The following WWP2 variants were observed in gnomAD, a reference collection of about 807,000 sequenced individuals.
WWP2 encodes the protein WW domain containing E3 ubiquitin protein ligase 2.
In WWP2, 57 loss-of-function variants were observed where a neutral mutation model predicts 121.0. The observed-to-expected ratio is 0.47, with a 90% confidence interval of 0.38 to 0.59. WWP2 has a LOEUF of 0.59. Among genes scored for constraint, WWP2 ranks in the 20% least tolerant of loss-of-function variants. WWP2 has a pLI of 0.00. For missense variants in WWP2, 962 were observed against 1,158.9 expected (o/e 0.83, Z 2.47); for synonymous variants, 449 against 441.3 (o/e 1.02, Z -0.22).
chr16:69,904,377 C>CT (rs538245676), intron 8 of WWP2, among the ~76,000 whole-genome samples: 2,472 of 137,356 alleles, frequency 0.018, 27 homozygotes, highest in African/African-American at 0.021. Flanking sequence ...TGCGCATTTT[C>CT]TTTTTTTTTT....
At position 69,939,374 on chromosome 16, in the gene WWP2, A is replaced by G. The variant is rs1343347600; in HGVS notation, c.2474A>G (p.Lys825Arg). The G allele has an allele frequency of 2.5e-6, 4 of 1,614,126 alleles. No homozygotes were observed. The highest frequency in any genetic ancestry group is 3.4e-6 in the Non-Finnish European group (4 of 1,180,016). ...GGACCACAGAAGTTTTGCATTGACA[A>G]AGTTGGCAAGGAAACCTGGCTGCCC... ...SNGPQKFCIDKVGKETWLPRS... is the reference protein window; with the variant it reads ...SNGPQKFCIDRVGKETWLPRS... The change falls in exon 23 of 24, where the codon AAA (lysine) becomes AGA (arginine). Residue 825 changes from lysine to arginine, a missense_variant. Coordinates refer to ENST00000359154, the MANE Select transcript of WWP2 (RefSeq NM_001270454.2).
At chr16:69,922,911 A>G (rs2058583705) in intron 10 of WWP2, among the ~76,000 whole-genome samples, 2 of 151,178 alleles carry the variant, frequency 1.3e-5, no homozygotes, top group Non-Finnish European at 2.9e-5. Flanking sequence ...TTTTTTTGAG[A>G]CGGAGTCTCG....
chr16:69,778,188 A>T (rs1179628985), intron 1 of WWP2, among the ~76,000 whole-genome samples: 36 of 95,640 alleles, frequency 3.8e-4, no homozygotes, highest in East Asian at 1.6e-3. Flanking sequence ...ATATATATAT[A>T]TATATTTTTT....
chr16:69,833,922 G>A (rs2056832904), intron 4 of WWP2, among the ~76,000 whole-genome samples: 1 of 152,170 alleles, frequency 6.6e-6, no homozygotes, highest in Non-Finnish European at 1.5e-5. Flanking sequence ...TCTAACTCAT[G>A]CTAGGGAGGA....
intron 6 of WWP2, among the ~76,000 whole-genome samples, chr16:69,868,540 G>A (rs923287494): frequency 6.6e-6 from 1 of 152,092 alleles, no homozygotes; most frequent in Non-Finnish European, 1.5e-5. Flanking sequence ...CTTGCTCCTG[G>A]GGGCTGCAAG....
chr16:69,845,783 C>T (rs1446452096), intron 6 of WWP2, among the ~76,000 whole-genome samples: 1 of 152,038 alleles, frequency 6.6e-6, no homozygotes, highest in Non-Finnish European at 1.5e-5. Context: ...GGCGTGGTGG[C>T]TCATGCCTGT....
chr16:69,794,444 G>A (rs1567669081), intron 2 of WWP2, among the ~76,000 whole-genome samples: 2 of 152,014 alleles, frequency 1.3e-5, no homozygotes, highest in Admixed American at 6.6e-5. Context: ...TGGGAAGATC[G>A]CTTGAGCCCC....
chr16:69,802,277 G>A (rs573841778), intron 4 of WWP2, among the ~76,000 whole-genome samples: 3 of 152,158 alleles, frequency 2.0e-5, no homozygotes, highest in South Asian at 4.1e-4. Context: ...AATTAATCAC[G>A]TTAATAATTT....
At position 69,878,184 on chromosome 16, in the gene WWP2, G is replaced by A. The variant is rs369773162; in HGVS notation, c.703+6253G>A. Among the ~76,000 whole-genome samples the A allele has an allele frequency of 2.9e-4, 44 of 152,244 alleles. 1 individual carries two copies. The East Asian group carries it at 8.1e-3, about 28-fold the overall frequency. ...AATATTAATATATCAAAGATCACTG[G>A]TCACAGATCTCCATGACGGATATAA... On this transcript the variant is annotated intron_variant, in intron 7 of 23. Transcript: ENST00000359154.
At position 69,840,159 on chromosome 16, in the gene WWP2, C is replaced by T. The variant is rs530023292; in HGVS notation, c.374C>T (p.Thr125Met). 8.1e-6 allele frequency: 13 copies of T among 1,614,246 alleles called. No individual in the cohort carries two copies. Among genetic ancestry groups the T allele is most frequent in the East Asian group, 6.7e-5 (3 of 44,892 alleles). Reference protein sequence around the residue: ...ENMQLTLNLQTENKGSVVSGG... With the variant: ...ENMQLTLNLQMENKGSVVSGG... Reference sequence around the variant, plus strand: ...ATGCAGCTGACCCTGAACCTGCAGACGGAGAACAAAGGCAGCGTTGTCTCA... The same window carrying T: ...ATGCAGCTGACCCTGAACCTGCAGATGGAGAACAAAGGCAGCGTTGTCTCA... Residue 125 changes from threonine (T) to methionine (M), a missense_variant, in exon 5 of 24, where the codon ACG becomes ATG. Transcript: ENST00000359154.
chr16:69,804,190 A>G (rs1010178260), intron 4 of WWP2, among the ~76,000 whole-genome samples: 13 of 152,080 alleles, frequency 8.5e-5, no homozygotes, highest in African/African-American at 1.4e-4. Context: ...CTGTAGTCCA[A>G]TCTGTCACCC....
intron 6 of WWP2, among the ~76,000 whole-genome samples, chr16:69,859,698 C>T (rs2057381192): frequency 1.3e-5 from 2 of 152,110 alleles, no homozygotes; most frequent in Admixed American, 6.6e-5. Context: ...CTGGCCCCGA[C>T]CCCTGCATTC....
rs1357207089 is a variant in WWP2, at chr16:69,911,613, C to A, written c.1004+2763C>A. 3.3e-5 allele frequency among the ~76,000 whole-genome samples: 5 copies of A among 152,096 alleles called. No individual in the cohort carries two copies. The East Asian group carries it at 9.6e-4, about 29-fold the overall frequency. ...GAGGGTGGAAGGGCTGACTGGGCCT[C>A]CAGTCACTGTTCTGTGCAAGATTTC... On this transcript the variant is annotated intron_variant, in intron 9 of 23. Transcript: ENST00000359154.
intron 5 of WWP2, among the ~76,000 whole-genome samples, chr16:69,841,582 A>G (rs905741031): frequency 6.6e-6 from 1 of 152,136 alleles, no homozygotes; most frequent in Non-Finnish European, 1.5e-5. Context: ...AGAAACAGCT[A>G]TTGAAGGGTT....
At chr16:69,909,324 G>A (rs547412375) in intron 9 of WWP2, 2 of 987,660 alleles carry the variant, frequency 2.0e-6, no homozygotes, top group South Asian at 9.3e-5. Context: ...AAAAGGGGAT[G>A]TATTCTGCTC....
chr16:69,915,028 A>G (rs1181754233), intron 9 of WWP2, among the ~76,000 whole-genome samples: 2 of 152,204 alleles, frequency 1.3e-5, no homozygotes, highest in Admixed American at 1.3e-4. Context: ...AAGGCAAGTC[A>G]GGTCAAGGAC....
chr16:69,790,801 T>C (rs1047308949), intron 2 of WWP2, among the ~76,000 whole-genome samples: 31 of 151,928 alleles, frequency 2.0e-4, no homozygotes, highest in African/African-American at 7.0e-4. Flanking sequence ...GTCTCGAACT[T>C]CTGACCTCAA....
intron 6 of WWP2, among the ~76,000 whole-genome samples, chr16:69,842,980 C>CT (rs944510635): frequency 1.3e-5 from 2 of 151,944 alleles, no homozygotes; most frequent in Non-Finnish European, 2.9e-5. Context: ...ATTTTTTATT[C>CT]TTTTTTATGG....
At chr16:69,873,037 A>G (rs2057669704) in intron 7 of WWP2, among the ~76,000 whole-genome samples, 2 of 152,140 alleles carry the variant, frequency 1.3e-5, no homozygotes, top group Non-Finnish European at 1.5e-5. Context: ...TTTCGCTTGG[A>G]TGAATTGTAG....
Sources: allele counts gnomAD v4.1 joint callset (sites outside exome capture counted in the v4.1 genomes callset), GRCh38; gene constraint gnomAD v4.1.1; transcripts MANE v1.5; gene names NCBI Gene and HGNC (gene_info 2026-07-23, HGNC 2026-07-21).